Variants in NOTCH2NLC observed in about 807,000 individuals in gnomAD.
NOTCH2NLC encodes notch homolog 2 N-terminal-like protein C.
In NOTCH2NLC, 4 loss-of-function variants were observed where a neutral mutation model predicts 17.7. The observed-to-expected ratio is 0.23, with a 90% confidence interval of 0.11 to 0.52. NOTCH2NLC has a LOEUF of 0.52. Among genes scored for constraint, NOTCH2NLC ranks in the 20% least tolerant of loss-of-function variants. The probability of loss-of-function intolerance (pLI) is 0.96; values close to 1 mark genes in which losing one functional copy is unlikely to be tolerated. For synonymous variants in NOTCH2NLC, 18 were observed against 86.0 expected, an observed-to-expected ratio of 0.21 and a Z score of 4.38; for missense variants, 57 against 207.2, an observed-to-expected ratio of 0.28 and a Z score of 4.45.
At chr1:149,391,761 C>G (rs1226712971) in intron 1 of NOTCH2NLC, among the ~76,000 whole-genome samples, 3 of 140,482 alleles carry the variant, frequency 2.1e-5, no homozygotes, top group South Asian at 2.5e-4. Context: ...GGGTGGGGCA[C>G]GGGCGGGTGA....
At chr1:149,455,761 C>CAGAGAA in intron 3 of NOTCH2NLC, among the ~76,000 whole-genome samples, 184 bp downstream of exon 3, 1 of 147,744 alleles carries the variant, frequency 6.8e-6, no homozygotes, top group South Asian at 2.2e-4. Flanking sequence ...TTTCAGGGGG[C>CAGAGAA]AGAGAAAGAG....
chr1:149,395,642 T>C (rs2084200404), intron 1 of NOTCH2NLC, among the ~76,000 whole-genome samples: 2 of 146,670 alleles, frequency 1.4e-5, no homozygotes, highest in South Asian at 4.3e-4. Context: ...CCACACCTTA[T>C]TGTAATTTCA....
chr1:149,432,538 A>T (rs1320904224), intron 2 of NOTCH2NLC, among the ~76,000 whole-genome samples: 3 of 151,134 alleles, frequency 2.0e-5, no homozygotes, highest in African/African-American at 7.3e-5. Context: ...AGGGAACTTA[A>T]TACCTTAGAG....
rs1441301334 is a variant in NOTCH2NLC, at chr1:149,435,829, G to A, written c.209+4814G>A. On this transcript the variant is annotated intron_variant, in intron 2 of 4. Transcript: ENST00000650865. ...CAGATACCTCTGACTCCTCAGTATC[G>A]CAGGACTTCCGTTTTCTGCTTGCAC... 1.7e-4 allele frequency among the ~76,000 whole-genome samples: 24 copies of A among 142,498 alleles called. No homozygotes were observed. In the East Asian group the frequency reaches 3.2e-3, roughly 19 times the overall value. 93.5% of individuals were successfully genotyped at this position (142,498 alleles called of 152,430 possible).
At chr1:149,442,324 A>G (rs1570915036) in intron 2 of NOTCH2NLC, among the ~76,000 whole-genome samples, 1 of 150,382 alleles carries the variant, frequency 6.6e-6, no homozygotes, top group Non-Finnish European at 1.5e-5. Context: ...ATTCTTTTAC[A>G]TAAGTGTATA....
At chr1:149,460,854 C>CCTTTCTTTCTTTCTTTCCTTT in intron 3 of NOTCH2NLC, among the ~76,000 whole-genome samples, 1 of 113,910 alleles carries the variant, frequency 8.8e-6, no homozygotes, top group South Asian at 3.2e-4. Flanking sequence ...TTTCTTTCTC[C>CCTTTCTTTCTTTCTTTCCTTT]CTTTCTTTCT....
At chr1:149,432,475 A>G (rs1400638803) in intron 2 of NOTCH2NLC, among the ~76,000 whole-genome samples, 1 of 151,092 alleles carries the variant, frequency 6.6e-6, no homozygotes, top group Admixed American at 6.6e-5. Context: ...GGAAAAAAAA[A>G]CATGTGGTGC....
In NOTCH2NLC at chr1:149,463,609, G is replaced by C; in HGVS notation, c.588G>C (p.Lys196Asn). The change falls in exon 4 of 5, where the codon AAG becomes AAC. Residue 196 changes from lysine to asparagine, a missense_variant. Lys to Asn is a moderately conservative substitution (Grantham distance 94). This residue lies in a region of NOTCH2NLC where 8 missense variants were observed against 49.2 expected (regional missense o/e 0.16). Transcript: ENST00000650865. ...GCCTCACAGGCTTCACAGGGCAGAA[G>C]TGTGAGACTGATGTCAATGAGTGTG... ...CKCLTGFTGQKCETDVNECDI... is the reference protein window; with the variant it reads ...CKCLTGFTGQNCETDVNECDI... 1 of 512,764 alleles carries C rather than the reference G, an allele frequency of 2.0e-6. No individual in the cohort carries two copies. The highest frequency in any genetic ancestry group is 2.0e-5 in the South Asian group (1 of 49,794). 31.8% of individuals were successfully genotyped at this position (512,764 alleles called of 1,614,324 possible).
At position 149,413,186 on chromosome 1, in the gene NOTCH2NLC, G is replaced by T. The variant is rs1398553106; in HGVS notation, c.136-17756G>T. Among the ~76,000 whole-genome samples, 12 of 150,970 alleles carry T rather than the reference G, an allele frequency of 7.9e-5. 1 individual carries two copies. In the East Asian group the frequency reaches 1.2e-3, roughly 15 times the overall value. ...GCCTCCCAGAGTGCTGGGATTACAG[G>T]TGTTAGCCACTGTGCCAGGCCAGAT... On this transcript the variant is annotated intron_variant, in intron 1 of 4. Transcript: ENST00000650865.
intron 1 of NOTCH2NLC, among the ~76,000 whole-genome samples, chr1:149,415,820 T>G (rs1208136001): frequency 6.8e-6 from 1 of 146,860 alleles, no homozygotes; most frequent in Non-Finnish European, 1.5e-5. Flanking sequence ...AGCCTTTTAG[T>G]TTTCTTTTGG....
At chr1:149,424,009 G>T (rs2084396355) in intron 1 of NOTCH2NLC, among the ~76,000 whole-genome samples, 1 of 151,038 alleles carries the variant, frequency 6.6e-6, no homozygotes, top group African/African-American at 2.4e-5. Context: ...TTTTAAGCCA[G>T]TGATATGTAG....
chr1:149,417,097 C>CTTTTTTT (rs1171555647), intron 1 of NOTCH2NLC, among the ~76,000 whole-genome samples: 11 of 69,590 alleles, frequency 1.6e-4, no homozygotes, highest in South Asian at 6.7e-4. Flanking sequence ...TCAGGTTTTC[C>CTTTTTTT]TTTTTTTTTT....
chr1:149,445,957 T>C (rs1291039233), intron 2 of NOTCH2NLC, among the ~76,000 whole-genome samples: 1 of 109,298 alleles, frequency 9.1e-6, no homozygotes, highest in Non-Finnish European at 1.9e-5. Context: ...AAGCCCTGGA[T>C]GCAATTTGGC....
intron 2 of NOTCH2NLC, among the ~76,000 whole-genome samples, chr1:149,446,557 C>T (rs1487766697): frequency 6.6e-5 from 10 of 150,720 alleles, no homozygotes; most frequent in South Asian, 6.3e-4. Context: ...AGGCAGGTCT[C>T]GAACTTCCGC....
intron 1 of NOTCH2NLC, among the ~76,000 whole-genome samples, chr1:149,429,799 A>G (rs1262238333): frequency 6.6e-6 from 1 of 150,720 alleles, no homozygotes; most frequent in African/African-American, 2.4e-5. Flanking sequence ...CAATTTATGC[A>G]TAGAGTGGTG....
intron 2 of NOTCH2NLC, among the ~76,000 whole-genome samples, chr1:149,432,329 C>G (rs1305604999): frequency 6.7e-6 from 1 of 150,022 alleles, no homozygotes; most frequent in East Asian, 2.0e-4. Context: ...ATTTTCTTCA[C>G]TAAAGTGAAA....
At chr1:149,461,037 T>C (rs1160813792) in intron 3 of NOTCH2NLC, among the ~76,000 whole-genome samples, 1 of 148,658 alleles carries the variant, frequency 6.7e-6, no homozygotes, top group Admixed American at 6.7e-5. Flanking sequence ...TGGGTTCGAG[T>C]GATTCTTGTG....
chr1:149,437,153 C>G (rs2084486882), intron 2 of NOTCH2NLC, among the ~76,000 whole-genome samples: 1 of 144,212 alleles, frequency 6.9e-6, no homozygotes, highest in African/African-American at 2.6e-5. Flanking sequence ...TATAATGTGG[C>G]CTTCTGTACA....
At chr1:149,392,775 G>GA (rs1179484722) in intron 1 of NOTCH2NLC, among the ~76,000 whole-genome samples, 1 of 151,262 alleles carries the variant, frequency 6.6e-6, no homozygotes, top group Non-Finnish European at 1.5e-5. Flanking sequence ...AAAGTGATTT[G>GA]AAAAATTAAG....
Sources: allele counts gnomAD v4.1 joint callset (sites outside exome capture counted in the v4.1 genomes callset), GRCh38; gene constraint gnomAD v4.1.1; regional missense constraint gnomAD v4.1.1; transcripts MANE v1.5; gene names NCBI Gene and HGNC (gene_info 2026-07-23, HGNC 2026-07-21).